Variants in IREB2 observed in about 807,000 individuals in gnomAD.
IREB2 encodes the protein iron-responsive element-binding protein 2.
In IREB2, 39 loss-of-function variants were observed where a neutral mutation model predicts 118.8. The ratio of observed to expected loss-of-function variants is 0.33; its 90% CI spans 0.25 to 0.43. The LOEUF (loss-of-function observed/expected upper bound fraction) is 0.43. Ranked by LOEUF, IREB2 falls within the 20% of genes least tolerant of loss-of-function variation. IREB2 has a pLI of 1.00. For synonymous variants in IREB2, 372 were observed against 392.2 expected (o/e 0.95, Z 0.61); for missense variants, 900 against 1,147.3 (o/e 0.78, Z 3.11).
rs79216380 is a variant in IREB2 at position 78,462,660 on chromosome 15, C to A, written c.107-262C>A. ...TTTGTCATAGTTGCAGTATGATATTCCTAAATTAATGCAGCTCTTGTATGA... is the reference window on the plus strand; with the variant it reads ...TTTGTCATAGTTGCAGTATGATATTACTAAATTAATGCAGCTCTTGTATGA... On this transcript the variant is annotated intron_variant, in intron 2 of 21. Coordinates refer to ENST00000258886, the MANE Select transcript of IREB2 (RefSeq NM_004136.4). 7.3e-3 allele frequency among the ~76,000 whole-genome samples: 1,109 copies of A among 151,998 alleles called. 13 individuals are homozygous for A. The highest frequency in any genetic ancestry group is 0.022 in the African/African-American group (904 of 41,436).
chr15:78,491,821 CAT>C (rs780571554), intron 18 of IREB2, among the ~76,000 whole-genome samples: 2 of 152,224 alleles, frequency 1.3e-5, no homozygotes, highest in East Asian at 1.9e-4. Context: ...CTTGTGTTGA[CAT>C]GTGATAATAT....
chr15:78,487,705 A>G (rs562785328), intron 13 of IREB2, 28 bp from the exon 14 acceptor site: 67 of 1,226,514 alleles, frequency 5.5e-5, no homozygotes, highest in South Asian at 1.1e-4. Flanking sequence ...GTGATGTGCT[A>G]TTCAGTCACT....
chr15:78,441,371 C>G (rs2050841785), intron 2 of IREB2, among the ~76,000 whole-genome samples: 1 of 152,168 alleles, frequency 6.6e-6, no homozygotes, highest in Non-Finnish European at 1.5e-5. Context: ...TATCCCTTCA[C>G]TGATGGTGAG....
At chr15:78,462,307 A>G (rs1029876793) in intron 2 of IREB2, among the ~76,000 whole-genome samples, 1 of 152,174 alleles carries the variant, frequency 6.6e-6, no homozygotes. Flanking sequence ...TTTAAATCCT[A>G]AGGAAACACT....
intron 16 of IREB2, 61 bp from the exon 17 acceptor site, chr15:78,490,361 G>T: frequency 9.8e-7 from 1 of 1,022,976 alleles, no homozygotes; most frequent in East Asian, 2.4e-5. Flanking sequence ...ATTTTCATGC[G>T]CCTCTTTTTC....
At chr15:78,490,911 A>C in intron 18 of IREB2, 150 bp downstream of exon 18, 1 of 506,930 alleles carries the variant, frequency 2.0e-6, no homozygotes. Context: ...AAGAATGGAG[A>C]GTGGCGGGGT....
At chr15:78,462,511 C>T (rs948670555) in intron 2 of IREB2, among the ~76,000 whole-genome samples, 1 of 152,160 alleles carries the variant, frequency 6.6e-6, no homozygotes, top group African/African-American at 2.4e-5. Flanking sequence ...AAATTTATTA[C>T]AGACATTTAT....
intron 18 of IREB2, among the ~76,000 whole-genome samples, chr15:78,491,979 G>C (rs1362844440): frequency 2.0e-5 from 3 of 152,038 alleles, no homozygotes; most frequent in African/African-American, 7.2e-5. Context: ...TACAATTTTT[G>C]TAATTATTAT....
chr15:78,493,794 CTTTT>C, intron 18 of IREB2, 111 bp from the exon 19 acceptor site: 1 of 905,328 alleles, frequency 1.1e-6, no homozygotes, highest in Non-Finnish European at 1.7e-6. Context: ...GTTTTGTTTT[CTTTT>C]GTGTTTGAAA....
In IREB2 at chr15:78,490,707, CT is replaced by C; in HGVS notation, c.2271del (p.Ala758GlnfsTer14). The C allele has an allele frequency of 6.2e-7, 1 of 1,614,000 alleles. No individual in the cohort carries two copies. The highest frequency in any genetic ancestry group is 8.5e-7 in the Non-Finnish European group (1 of 1,179,876). On this transcript the variant is annotated frameshift_variant, in exon 18 of 22. Coordinates refer to ENST00000258886, the MANE Select transcript of IREB2 (RefSeq NM_004136.4). LOFTEE classifies it high-confidence loss of function. ...TCTGTCACAACAGATCATATATCAC[CT>C]GCAGGAAGTATCGCTAGGAATAGTG... ...GDSVTTDHIS[P>X]AGSIARNSAA...
intron 12 of IREB2, 101 bp from the exon 13 acceptor site, chr15:78,485,604 T>C (rs1158817306): frequency 1.4e-5 from 17 of 1,210,728 alleles, no homozygotes; most frequent in Non-Finnish European, 3.5e-6. Context: ...GAATTCATAC[T>C]TTAATCTGTT....
chr15:78,449,477 C>T (rs1312764599), intron 2 of IREB2, among the ~76,000 whole-genome samples: 1 of 152,200 alleles, frequency 6.6e-6, no homozygotes, highest in Non-Finnish European at 1.5e-5. Flanking sequence ...AACAGGAAGG[C>T]ACATGTCCTA....
intron 8 of IREB2, chr15:78,475,795 T>A (rs1214497109): frequency 6.5e-6 from 1 of 153,802 alleles, no homozygotes; most frequent in Non-Finnish European, 1.4e-5. Context: ...GAAGCTGCAG[T>A]GAGCTGTGAC....
At position 78,484,910 on chromosome 15, in the gene IREB2, G is replaced by A; in HGVS notation, c.1563G>A (p.Met521Ile). 1 of 1,612,938 alleles carries A rather than the reference G, an allele frequency of 6.2e-7. No homozygotes were observed. The highest frequency in any genetic ancestry group is 8.5e-7 in the Non-Finnish European group (1 of 1,179,426). The change falls in exon 12 of 22, where the codon ATG (methionine) becomes ATA (isoleucine). Residue 521 changes from methionine (M) to isoleucine (I), a missense_variant. Transcript: ENST00000258886. Reference protein sequence around the residue: ...SCTNNCNPSVMLAAGLLAKKA... With the variant: ...SCTNNCNPSVILAAGLLAKKA... ...CCAATAATTGCAATCCATCTGTCAT[G>A]CTTGCTGCAGGTGGGTTGTGGTTTA... is the stretch of plus-strand genomic sequence containing the variant.
At chr15:78,455,596 C>A (rs1277026525) in intron 2 of IREB2, among the ~76,000 whole-genome samples, 2 of 151,440 alleles carry the variant, frequency 1.3e-5, no homozygotes, top group Non-Finnish European at 2.9e-5. Context: ...AAGAAAAAAA[C>A]CAGAGCATAT....
rs76201628 is a variant in IREB2, at chr15:78,465,088, T to C, written c.273-163T>C. ...TTCTCAGATAATGTTTAATGTTAATTCTTATTAAACAGGATACTCCTAACT... is the reference window on the plus strand; with the variant it reads ...TTCTCAGATAATGTTTAATGTTAATCCTTATTAAACAGGATACTCCTAACT... On this transcript the variant is annotated intron_variant, in intron 3 of 21. Transcript: ENST00000258886. 6.1e-3 allele frequency among the ~76,000 whole-genome samples: 926 copies of C among 152,358 alleles called. 3 individuals are homozygous for C. The highest frequency in any genetic ancestry group is 8.5e-3 in the Non-Finnish European group (579 of 68,030).
At chr15:78,459,703 AAAATACATTT>A (rs1197666040) in intron 2 of IREB2, among the ~76,000 whole-genome samples, 1 of 152,202 alleles carries the variant, frequency 6.6e-6, no homozygotes, top group East Asian at 1.9e-4. Context: ...GGTTATCTCA[AAAATACATTT>A]TTACATTTGG....
chr15:78,497,437 ACT>A (rs199512112), intron 21 of IREB2, 126 bp downstream of exon 21: 7,621 of 705,062 alleles, frequency 0.011, 63 homozygotes, highest in Middle Eastern at 0.046. Context: ...ATTTAAGATG[ACT>A]CTCTCTTCCA....
rs925245273 is a variant in IREB2 at position 78,499,675 on chromosome 15, G to C, written c.*1532G>C. The C allele has an allele frequency of 6.6e-6, 1 of 152,032 alleles. No homozygotes were observed. The highest frequency in any genetic ancestry group is 1.5e-5 in the Non-Finnish European group (1 of 68,016). The allele number at this position is 152,032 out of a possible 1,614,324, so 9.4% of individuals were successfully genotyped here. A position where few individuals can be genotyped will look rare whatever the true frequency, so the allele number is the denominator to read the frequency against. On this transcript the variant is annotated 3_prime_UTR_variant, in exon 22 of 22. Transcript: ENST00000258886. ...TAAATTTTGTATAAGTATTTTCTTC[G>C]ACACTTTCAAATTATATTGTGTTCT...
Sources: gnomAD v4.1 joint callset for allele counts (sites outside exome capture counted in the v4.1 genomes callset) on GRCh38, gnomAD v4.1.1 for gene constraint, MANE v1.5 for transcripts, NCBI Gene and HGNC (gene_info 2026-07-23, HGNC 2026-07-21) for gene names.